The following QKI variants were observed in gnomAD, a reference collection of about 807,000 sequenced individuals.
The protein encoded by QKI is QKI, KH domain containing RNA binding.
In QKI, 10 loss-of-function variants were observed where a neutral mutation model predicts 39.0. That is an observed-to-expected ratio of 0.26 (90% CI 0.16 to 0.43). The LOEUF (loss-of-function observed/expected upper bound fraction) is 0.43. QKI is among the 20% of genes least tolerant of loss of function. The pLI is 1.00. For missense variants in QKI, 218 were observed against 428.0 expected (o/e 0.51, Z 4.33); for synonymous variants, 204 against 155.4 (o/e 1.31, Z -2.33).
chr6:163,466,369 G>C (rs762433816), intron 2 of QKI, among the ~76,000 whole-genome samples: 4 of 152,078 alleles, frequency 2.6e-5, no homozygotes, highest in Non-Finnish European at 5.9e-5. Flanking sequence ...AAATTCCATT[G>C]GCATTTTTCA....
At chr6:163,469,598 CATA>C (rs1374207596) in intron 2 of QKI, among the ~76,000 whole-genome samples, 1 of 152,122 alleles carries the variant, frequency 6.6e-6, no homozygotes, top group Admixed American at 6.5e-5. Context: ...CTCCTTGCCA[CATA>C]ATAAGCCTTA....
intron 4 of QKI, among the ~76,000 whole-genome samples, chr6:163,551,502 A>G (rs1365286807): frequency 1.3e-5 from 2 of 152,266 alleles, no homozygotes; most frequent in African/African-American, 4.8e-5. Context: ...ACATCTGATG[A>G]AACAACAAAG....
At chr6:163,536,840 A>AT (rs1781239751) in intron 4 of QKI, among the ~76,000 whole-genome samples, 1 of 152,170 alleles carries the variant, frequency 6.6e-6, no homozygotes, top group African/African-American at 2.4e-5. Context: ...AATACATCAT[A>AT]TTTTTGAGAA....
Position 163,570,765 on chromosome 6 carries a change from G to C in QKI, c.*55G>C. ...ACCCAATGATGACCTGACCATGCCT[G>C]CCTGCTGATCAGTTAACTGGTAATC... On this transcript the variant is annotated 3_prime_UTR_variant, in exon 8 of 8. Transcript: ENST00000361752. The C allele has an allele frequency of 6.2e-7, 1 of 1,601,948 alleles. No individual in the cohort carries two copies. Among genetic ancestry groups the C allele is most frequent in the Non-Finnish European group, 8.5e-7 (1 of 1,173,434 alleles).
intron 1 of QKI, among the ~76,000 whole-genome samples, chr6:163,436,712 C>T (rs1385258147): frequency 6.9e-6 from 1 of 144,202 alleles, no homozygotes; most frequent in African/African-American, 2.6e-5. Context: ...ATCTTTTGAA[C>T]CTGGGAGGCC....
intron 1 of QKI, among the ~76,000 whole-genome samples, chr6:163,429,227 A>G (rs894986585): frequency 1.3e-5 from 2 of 152,212 alleles, no homozygotes; most frequent in Non-Finnish European, 2.9e-5. Context: ...AAGAACTGTT[A>G]TAAAGAACTT....
At chr6:163,457,199 C>G (rs1200867092) in intron 2 of QKI, among the ~76,000 whole-genome samples, 1 of 152,094 alleles carries the variant, frequency 6.6e-6, no homozygotes, top group Non-Finnish European at 1.5e-5. Context: ...TGTAAGACCA[C>G]AAGACCTTGA....
intron 6 of QKI, chr6:163,566,451 T>C: frequency 3.1e-6 from 4 of 1,300,624 alleles, no homozygotes; most frequent in Non-Finnish European, 3.9e-6. Flanking sequence ...TTGGATCTAA[T>C]AGAGCTCATG....
chr6:163,460,070 C>T (rs1791231222), intron 2 of QKI, among the ~76,000 whole-genome samples: 1 of 152,084 alleles, frequency 6.6e-6, no homozygotes, highest in South Asian at 2.1e-4. Flanking sequence ...ATAGGATCTG[C>T]CAGAGTAGTA....
chr6:163,476,294 T>TA (rs397828420), intron 2 of QKI, among the ~76,000 whole-genome samples: 5 of 151,692 alleles, frequency 3.3e-5, no homozygotes, highest in African/African-American at 9.7e-5. Flanking sequence ...TTTTTTTTTT[T>TA]AAATCATCTT....
At chr6:163,421,826 C>CCT (rs1359651709) in intron 1 of QKI, among the ~76,000 whole-genome samples, 1 of 151,768 alleles carries the variant, frequency 6.6e-6, no homozygotes, top group Non-Finnish European at 1.5e-5. Flanking sequence ...CTCACTGCAA[C>CCT]CTCTGCCTCC....
chr6:163,520,432 T>A (rs1163121335), intron 3 of QKI, among the ~76,000 whole-genome samples: 1 of 152,124 alleles, frequency 6.6e-6, no homozygotes. Context: ...TTTTTTAAAA[T>A]AGTGTTTGGG....
chr6:163,487,525 T>C (rs1051359086), intron 3 of QKI, among the ~76,000 whole-genome samples: 102 of 152,328 alleles, frequency 6.7e-4, no homozygotes, highest in African/African-American at 2.4e-3. Flanking sequence ...TTTAAAATAA[T>C]TTGTTTTAAT....
intron 1 of QKI, among the ~76,000 whole-genome samples, chr6:163,442,565 G>A (rs1164075081): frequency 6.6e-6 from 1 of 152,210 alleles, no homozygotes; most frequent in Non-Finnish European, 1.5e-5. Flanking sequence ...TGTGGTTAGA[G>A]CTGTAATGTT....
chr6:163,533,967 A>AT (rs1201707986), intron 3 of QKI, among the ~76,000 whole-genome samples: 1 of 152,206 alleles, frequency 6.6e-6, no homozygotes, highest in African/African-American at 2.4e-5. Context: ...TTTTACTGGA[A>AT]TCTAACAATT....
intron 1 of QKI, among the ~76,000 whole-genome samples, chr6:163,428,225 T>C (rs1788556121): frequency 6.6e-6 from 1 of 152,230 alleles, no homozygotes; most frequent in African/African-American, 2.4e-5. Context: ...AGAGACTATA[T>C]GTTGGTATGT....
intron 6 of QKI, chr6:163,565,473 CTGCTTAGAAAT>C (rs1783307266): frequency 1.0e-6 from 1 of 986,694 alleles, no homozygotes; most frequent in African/African-American, 1.7e-5. Flanking sequence ...GACCAGTTTA[CTGCTTAGAAAT>C]AGCAAGAGGC....
chr6:163,555,542 G>GAGA (rs1782534992), intron 4 of QKI, among the ~76,000 whole-genome samples: 1 of 145,408 alleles, frequency 6.9e-6, no homozygotes, highest in African/African-American at 2.5e-5. Flanking sequence ...CCTGCACTCT[G>GAGA]AGAGAAAACG....
At chr6:163,509,717 A>G (rs1046718685) in intron 3 of QKI, among the ~76,000 whole-genome samples, 21 of 152,274 alleles carry the variant, frequency 1.4e-4, no homozygotes, top group South Asian at 1.0e-3. Flanking sequence ...GAATTATAAA[A>G]TATATTGAAA....
Sources: allele counts gnomAD v4.1 joint callset (sites outside exome capture counted in the v4.1 genomes callset), GRCh38; gene constraint gnomAD v4.1.1; transcripts MANE v1.5; gene names NCBI Gene and HGNC (gene_info 2026-07-23, HGNC 2026-07-21).